Variants in CEP290 observed in about 807,000 individuals in gnomAD.
CEP290 encodes the protein centrosomal protein 290.
In CEP290, 317 loss-of-function variants were observed where a neutral mutation model predicts 344.9. That is an observed-to-expected ratio of 0.92 (90% CI 0.84 to 1.01). The LOEUF is 1.01. CEP290 is among the 50% of genes least tolerant of loss of function. The probability of loss-of-function intolerance (pLI) is 0.00; values close to 1 mark genes in which losing one functional copy is unlikely to be tolerated. For synonymous variants in CEP290, 932 were observed against 895.8 expected, an observed-to-expected ratio of 1.04 and a Z score of -0.72; for missense variants, 2,754 against 2,761.4, an observed-to-expected ratio of 1.00 and a Z score of 0.06.
chr12:88,111,638 C>A, intron 21 of CEP290, 56 bp downstream of exon 21: 4 of 1,406,232 alleles, frequency 2.8e-6, no homozygotes. Context: ...TAAAAATTTC[C>A]TATTAAATCT....
intron 5 of CEP290, among the ~76,000 whole-genome samples, chr12:88,138,368 T>C (rs2040456153): frequency 6.6e-6 from 1 of 152,222 alleles, no homozygotes; most frequent in Non-Finnish European, 1.5e-5. Flanking sequence ...ATTTAGTATT[T>C]ATTGAAAGTG....
chr12:88,107,611 CA>C (rs1202005069), intron 23 of CEP290, among the ~76,000 whole-genome samples: 2,334 of 119,642 alleles, frequency 0.02, 23 homozygotes, highest in African/African-American at 0.046. Context: ...GTTCTTAGTG[CA>C]AAAAAAAAAA....
chr12:88,139,633 C>A, intron 3 of CEP290, 69 bp from the exon 4 acceptor site: 1 of 1,203,394 alleles, frequency 8.3e-7, no homozygotes, highest in East Asian at 2.8e-5. Context: ...AATAAAAATT[C>A]TGTTTTATTT....
chr12:88,114,589 A>G, intron 19 of CEP290, 27 bp from the exon 20 acceptor site: 1 of 1,511,014 alleles, frequency 6.6e-7, no homozygotes. Flanking sequence ...TTCTCATTGG[A>G]TGATCAGATC....
intron 53 of CEP290, chr12:88,050,063 A>C: frequency 4.4e-6 from 1 of 229,240 alleles, no homozygotes; most frequent in Non-Finnish European, 8.3e-6. Flanking sequence ...TTTCAAAAAA[A>C]AAATAAAGAC....
Position 88,093,783 on chromosome 12 carries a change from G to A in CEP290, c.3296C>T (p.Thr1099Ile). 2 of 1,606,622 alleles carry A rather than the reference G, an allele frequency of 1.2e-6. No individual in the cohort carries two copies. The highest frequency in any genetic ancestry group is 1.7e-6 in the Non-Finnish European group (2 of 1,175,834). ...ATAATATCAAACCTCAGCAAATTTG[G>A]TTTCCAATTCAAAATTACGTTCCTC... Reference protein sequence around the residue: ...QMEERNFELETKFAELTKINL... With the variant: ...QMEERNFELEIKFAELTKINL... Residue 1099 changes from threonine to isoleucine, a missense_variant, in exon 28 of 54, where the codon ACC becomes ATC. Physicochemically the swap from Thr to Ile is moderately conservative, Grantham distance 89. Transcript: ENST00000552810.
chr12:88,073,370 C>T (rs2035524456), intron 41 of CEP290, among the ~76,000 whole-genome samples: 2 of 152,182 alleles, frequency 1.3e-5, no homozygotes, highest in South Asian at 2.1e-4. Flanking sequence ...TTTGAACTCA[C>T]ATTAATGAAG....
At chr12:88,095,661 C>G (rs982337157) in intron 27 of CEP290, among the ~76,000 whole-genome samples, 1 of 152,138 alleles carries the variant, frequency 6.6e-6, no homozygotes, top group Admixed American at 6.6e-5. Context: ...TTAGGCTTCT[C>G]TAAACCAAGT....
chr12:88,138,220 A>G (rs2040448198), intron 5 of CEP290, among the ~76,000 whole-genome samples: 1 of 151,856 alleles, frequency 6.6e-6, no homozygotes, highest in Non-Finnish European at 1.5e-5. Flanking sequence ...CCCAATCTTG[A>G]TTTTATCTAT....
intron 6 of CEP290, chr12:88,135,702 C>T (rs1271432460): frequency 6.6e-6 from 1 of 152,012 alleles, no homozygotes; most frequent in African/African-American, 2.4e-5. Context: ...TCTTAAATAG[C>T]ATATCATTGT....
chr12:88,109,216 A>T (rs2038503715), intron 22 of CEP290, 35 bp from the exon 23 acceptor site: 1 of 686,302 alleles, frequency 1.5e-6, no homozygotes. Context: ...ATGCAAAAAA[A>T]AACACAATAG....
intron 6 of CEP290, among the ~76,000 whole-genome samples, chr12:88,134,556 A>G: frequency 6.6e-6 from 1 of 152,222 alleles, no homozygotes; most frequent in East Asian, 1.9e-4. Flanking sequence ...ATCATAAAAA[A>G]TAAAACTGGG....
Position 88,050,340 on chromosome 12 carries a change from T to C in CEP290, c.7209+14A>G, listed in dbSNP as rs778751507. ...GTTTTCACAAAACGATACTAAAATA[T>C]AATTAAATATTACCTTCAAATGCTG... On this transcript the variant is annotated intron_variant, in intron 53 of 53. Transcript: ENST00000552810. The C allele has an allele frequency of 7.6e-7, 1 of 1,310,172 alleles. No homozygotes were observed. The highest frequency in any genetic ancestry group is 1.3e-5 in the South Asian group (1 of 77,416). The allele number at this position is 1,310,172 out of a possible 1,614,324, so 81.2% of individuals were successfully genotyped here.
rs185293690 is a variant in CEP290, at chr12:88,084,514, G to T, written c.4704+72C>A. On this transcript the variant is annotated intron_variant, in intron 35 of 53. Coordinates refer to ENST00000552810, the MANE Select transcript of CEP290 (RefSeq NM_025114.4). ...AGCAAGAAAAGAAATACCACTTTAG[G>T]GTAAAATAATATTTAGCATTTGCTT... 262 of 1,295,000 alleles carry T rather than the reference G, an allele frequency of 2.0e-4. 1 individual carries two copies. In the African/African-American group the frequency reaches 3.8e-3, roughly 19 times the overall value. 80.2% of individuals were successfully genotyped at this position (1,295,000 alleles called of 1,614,324 possible). A position where few individuals can be genotyped will look rare whatever the true frequency, so the allele number is the denominator to read the frequency against.
rs1047571112 is a variant in CEP290 at position 88,064,123 on chromosome 12, G to A, written c.6136-8C>T. The A allele has an allele frequency of 1.3e-6, 2 of 1,532,232 alleles. No homozygotes were observed. Among genetic ancestry groups the A allele is most frequent in the South Asian group, 1.3e-5 (1 of 77,848 alleles). The allele number at this position is 1,532,232 out of a possible 1,614,324, so 94.9% of individuals were successfully genotyped here. ...TGACTCTATTCCTGAAATCTTCAGGGAAATGAAATTAGGAATATTTTTAAA... is the reference window on the plus strand; with the variant it reads ...TGACTCTATTCCTGAAATCTTCAGGAAAATGAAATTAGGAATATTTTTAAA... On this transcript the variant is annotated splice_polypyrimidine_tract_variant and splice_region_variant and intron_variant, in intron 44 of 53. Transcript: ENST00000552810.
chr12:88,066,703 A>T (rs1003209326), intron 44 of CEP290, among the ~76,000 whole-genome samples: 3 of 151,188 alleles, frequency 2.0e-5, no homozygotes, highest in African/African-American at 7.3e-5. Context: ...TCTGGAGTGC[A>T]ATAGGGCAAT....
chr12:88,085,353 G>T (rs950123362), intron 34 of CEP290, among the ~76,000 whole-genome samples: 8 of 151,950 alleles, frequency 5.3e-5, no homozygotes, highest in African/African-American at 1.7e-4. Flanking sequence ...TCTTCAAGAG[G>T]ATTAAGGTGA....
intron 45 of CEP290, among the ~76,000 whole-genome samples, 160 bp from the exon 46 acceptor site, chr12:88,062,938 AAATT>A (rs2034592132): frequency 6.6e-6 from 1 of 152,170 alleles, no homozygotes; most frequent in Admixed American, 6.5e-5. Context: ...CTAAGACGTT[AAATT>A]AATACAAGAA....
chr12:88,062,610 A>C, intron 46 of CEP290, 82 bp downstream of exon 46: 1 of 851,844 alleles, frequency 1.2e-6, no homozygotes, highest in Non-Finnish European at 1.9e-6. Context: ...GCATATCAGT[A>C]CTTTTACAAC....
Sources: gnomAD v4.1 joint callset for allele counts (sites outside exome capture counted in the v4.1 genomes callset) on GRCh38, gnomAD v4.1.1 for gene constraint, MANE v1.5 for transcripts, NCBI Gene and HGNC (gene_info 2026-07-23, HGNC 2026-07-21) for gene names.